Variants in HSD17B12 observed in about 807,000 individuals in gnomAD.
HSD17B12 encodes hydroxysteroid 17-beta dehydrogenase 12.
A neutral mutation model predicts 39.3 loss-of-function variants in HSD17B12; 32 were observed. That is an observed-to-expected ratio of 0.81 (90% CI 0.61 to 1.09). The LOEUF is 1.09. Among genes scored for constraint, HSD17B12 ranks in the 50% least tolerant of loss-of-function variants. The probability of loss-of-function intolerance (pLI) is 0.00; values close to 1 mark genes in which losing one functional copy is unlikely to be tolerated. For missense variants in HSD17B12, 342 were observed against 382.9 expected (o/e 0.89, Z 0.89); for synonymous variants, 150 against 146.7 (o/e 1.02, Z -0.16).
chr11:43,578,353 A>G, the HSD17B12 span, among the ~76,000 whole-genome samples: 8 of 152,126 alleles, frequency 5.3e-5, no homozygotes, highest in African/African-American at 1.7e-4. Context: ...ACAGGGTAAC[A>G]GGGGTGCAGC....
At chr11:43,587,878 G>A in the HSD17B12 span, among the ~76,000 whole-genome samples, 1 of 152,180 alleles carries the variant, frequency 6.6e-6, no homozygotes, top group East Asian at 1.9e-4. Flanking sequence ...GACAGGTCAG[G>A]GATTCATTGA....
At chr11:43,722,363 T>C (rs1003721559) in intron 1 of HSD17B12, among the ~76,000 whole-genome samples, 2 of 152,228 alleles carry the variant, frequency 1.3e-5, no homozygotes, top group African/African-American at 4.8e-5. Context: ...ATGGAGGAAG[T>C]ATACAGATGT....
chr11:43,718,759 G>A, intron 1 of HSD17B12: 1 of 1,260,454 alleles, frequency 7.9e-7, no homozygotes, highest in Non-Finnish European at 1.1e-6. Context: ...AGAAGGCAGT[G>A]TTGAAAGGTG....
Position 43,741,734 on chromosome 11 carries a change from CTT to C in HSD17B12, c.161-9161_161-9160del, listed in dbSNP as rs534584200. On this transcript the variant is annotated intron_variant, in intron 1 of 10. Transcript: ENST00000278353. ...ACTGAGGGATTTTCTTTTTCTTTTT[CTT>C]TTTTTTTTTTTTTTTGAGACGGGGT... 1.5e-4 allele frequency among the ~76,000 whole-genome samples: 20 copies of C among 130,450 alleles called. 1 individual carries two copies. The Middle Eastern group carries it at 0.012, about 80-fold the overall frequency. The allele number at this position is 130,450 out of a possible 152,430, so 85.6% of individuals were successfully genotyped here.
the HSD17B12 span, among the ~76,000 whole-genome samples, chr11:43,621,569 G>T: frequency 3.9e-5 from 6 of 152,246 alleles, no homozygotes; most frequent in Middle Eastern, 6.8e-3. Context: ...AAAAAAGCTT[G>T]CTGGGCAAGT....
intron 7 of HSD17B12, among the ~76,000 whole-genome samples, chr11:43,834,763 G>A (rs1951352205): frequency 6.6e-6 from 1 of 152,112 alleles, no homozygotes; most frequent in Non-Finnish European, 1.5e-5. Flanking sequence ...TAAGTGTGAG[G>A]GACTGAGTTT....
chr11:43,794,592 A>G (rs1410474969), intron 3 of HSD17B12, among the ~76,000 whole-genome samples: 1 of 152,210 alleles, frequency 6.6e-6, no homozygotes, highest in Non-Finnish European at 1.5e-5. Context: ...TCTTGTAGGT[A>G]CAAGCTGTCC....
At chr11:43,696,860 A>G (rs1319819258) in intron 1 of HSD17B12, among the ~76,000 whole-genome samples, 1 of 152,218 alleles carries the variant, frequency 6.6e-6, no homozygotes, top group Non-Finnish European at 1.5e-5. Flanking sequence ...TGTCCTTTAC[A>G]GGGACATGGA....
the HSD17B12 span, among the ~76,000 whole-genome samples, chr11:43,590,916 A>C: frequency 1.3e-5 from 2 of 151,676 alleles, no homozygotes; most frequent in Non-Finnish European, 2.9e-5. Context: ...TATGAACCTA[A>C]ATGAAATTAT....
At chr11:43,850,096 T>C (rs1010520256) in intron 9 of HSD17B12, among the ~76,000 whole-genome samples, 10 of 152,198 alleles carry the variant, frequency 6.6e-5, no homozygotes, top group Non-Finnish European at 1.2e-4. Context: ...GCAGGGCCTT[T>C]TTTCATTGCT....
chr11:43,692,795 A>G (rs1049739973), intron 1 of HSD17B12, among the ~76,000 whole-genome samples: 1 of 152,174 alleles, frequency 6.6e-6, no homozygotes, highest in East Asian at 1.9e-4. Context: ...ATTGTTGAAG[A>G]CTCTGGACCA....
At chr11:43,624,604 C>G in the HSD17B12 span, among the ~76,000 whole-genome samples, 2 of 151,700 alleles carry the variant, frequency 1.3e-5, no homozygotes, top group Non-Finnish European at 3.0e-5. Flanking sequence ...ATTAAAATAA[C>G]AATCAAGCTA....
chr11:43,812,430 A>T (rs900308810), intron 4 of HSD17B12, among the ~76,000 whole-genome samples: 1 of 152,172 alleles, frequency 6.6e-6, no homozygotes, highest in African/African-American at 2.4e-5. Flanking sequence ...GGGTAAGATG[A>T]TATCTCATTG....
intron 3 of HSD17B12, among the ~76,000 whole-genome samples, chr11:43,761,006 G>A (rs1950550923): frequency 6.6e-6 from 1 of 151,902 alleles, no homozygotes; most frequent in African/African-American, 2.4e-5. Flanking sequence ...CTACAATTTT[G>A]TCAATGTTCC....
chr11:43,571,313 C>G, the HSD17B12 span, among the ~76,000 whole-genome samples: 1 of 152,204 alleles, frequency 6.6e-6, no homozygotes, highest in African/African-American at 2.4e-5. Context: ...CCATGCTTCC[C>G]AACCCCTGAC....
the HSD17B12 span, among the ~76,000 whole-genome samples, chr11:43,651,770 G>C: frequency 6.6e-6 from 1 of 152,068 alleles, no homozygotes; most frequent in South Asian, 2.1e-4. Context: ...GTAGAGACAG[G>C]GTTTCACCAC....
At chr11:43,854,997 GTTATAA>G in intron 10 of HSD17B12, 133 bp downstream of exon 10, 7 of 1,090,798 alleles carry the variant, frequency 6.4e-6, no homozygotes, top group South Asian at 1.6e-5. Context: ...TCTATATCTT[GTTATAA>G]TTATAATGGT....
the HSD17B12 span, among the ~76,000 whole-genome samples, chr11:43,586,254 C>A: frequency 6.6e-6 from 1 of 152,200 alleles, no homozygotes; most frequent in Non-Finnish European, 1.5e-5. Flanking sequence ...TTGCAATTAG[C>A]ATTCTGGGGG....
chr11:43,634,332 T>C, the HSD17B12 span, among the ~76,000 whole-genome samples: 1 of 152,052 alleles, frequency 6.6e-6, no homozygotes, highest in African/African-American at 2.4e-5. Flanking sequence ...CTCCCACCAA[T>C]GCCTCTACCT....
Sources: gnomAD v4.1 joint callset for allele counts (sites outside exome capture counted in the v4.1 genomes callset) on GRCh38, gnomAD v4.1.1 for gene constraint, MANE v1.5 for transcripts, NCBI Gene and HGNC (gene_info 2026-07-23, HGNC 2026-07-21) for gene names.